Variants in ATP8A2 observed in about 807,000 individuals in gnomAD.
The protein encoded by ATP8A2 is ATPase phospholipid transporting 8A2, also known as phospholipid-transporting ATPase IB.
In ATP8A2, 100 loss-of-function variants were observed where a neutral mutation model predicts 165.6. The observed-to-expected ratio is 0.60, with a 90% CI of 0.51 to 0.71. The LOEUF is 0.71. ATP8A2 is among the 30% of genes least tolerant of loss of function. The pLI is 0.00. For synonymous variants in ATP8A2, 543 were observed against 548.8 expected, an observed-to-expected ratio of 0.99 and a Z score of 0.15; for missense variants, 1,227 against 1,479.5, an observed-to-expected ratio of 0.83 and a Z score of 2.80.
chr13:25,991,593 T>C (rs985208980), intron 35 of ATP8A2, among the ~76,000 whole-genome samples: 1 of 152,276 alleles, frequency 6.6e-6, no homozygotes, highest in Non-Finnish European at 1.5e-5. Flanking sequence ...TGGAATCTTA[T>C]AACGTGTAAC....
At chr13:25,784,061 G>T (rs1207755547) in intron 27 of ATP8A2, among the ~76,000 whole-genome samples, 1 of 152,114 alleles carries the variant, frequency 6.6e-6, no homozygotes, top group East Asian at 1.9e-4. Context: ...TATAAAAATA[G>T]ACTCTTACTG....
chr13:25,729,379 ATG>A (rs1404114151), intron 25 of ATP8A2, among the ~76,000 whole-genome samples: 5 of 152,352 alleles, frequency 3.3e-5, no homozygotes, highest in African/African-American at 4.8e-5. Context: ...TGCCTGAGGC[ATG>A]GCCAGGCCAG....
chr13:25,886,574 G>A (rs1282978336), intron 33 of ATP8A2, among the ~76,000 whole-genome samples: 1 of 152,234 alleles, frequency 6.6e-6, no homozygotes, highest in African/African-American at 2.4e-5. Context: ...GGTTTCACCC[G>A]CTCCATGTGC....
intron 33 of ATP8A2, among the ~76,000 whole-genome samples, chr13:25,873,495 T>C (rs113547362): frequency 6.6e-6 from 1 of 152,322 alleles, no homozygotes; most frequent in African/African-American, 2.4e-5. Flanking sequence ...TCCTTTATTA[T>C]GTAAGTGACA....
At chr13:25,966,194 T>G (rs1486369189) in intron 34 of ATP8A2, among the ~76,000 whole-genome samples, 1 of 152,096 alleles carries the variant, frequency 6.6e-6, no homozygotes, top group Non-Finnish European at 1.5e-5. Flanking sequence ...CCTTCTGTGG[T>G]CATCCAGCCT....
chr13:25,376,086 G>T (rs1184109481), intron 1 of ATP8A2, among the ~76,000 whole-genome samples: 1 of 149,708 alleles, frequency 6.7e-6, no homozygotes, highest in Non-Finnish European at 1.5e-5. Context: ...ATATCTCAGA[G>T]ATGGTCTGAT....
At chr13:26,012,411 C>G (rs1056154874) in intron 35 of ATP8A2, 120 bp from the exon 36 acceptor site, 2 of 768,352 alleles carry the variant, frequency 2.6e-6, no homozygotes, top group East Asian at 6.2e-5. Flanking sequence ...TGGTGAAGCA[C>G]CACGCCTTAC....
chr13:25,600,719 C>G lies in ATP8A2; in HGVS notation c.2211+11020C>G, dbSNP rs540663431. On this transcript the variant is annotated intron_variant, in intron 24 of 36. Coordinates refer to ENST00000381655, the MANE Select transcript of ATP8A2 (RefSeq NM_016529.6). ...ATGCTCTCTCTCCTCTCTGTCTTCC[C>G]AATCTTAAGCAAATGCATCTTGTTG... is the stretch of plus-strand genomic sequence containing the variant. Among the ~76,000 whole-genome samples the G allele has an allele frequency of 2.2e-4, 33 of 152,238 alleles. No individual in the cohort carries two copies. The South Asian group carries it at 2.3e-3, about 11-fold the overall frequency.
intron 2 of ATP8A2, among the ~76,000 whole-genome samples, chr13:25,498,040 C>T (rs567869741): frequency 1.2e-4 from 19 of 152,188 alleles, no homozygotes; most frequent in Non-Finnish European, 1.8e-4. Flanking sequence ...CCTGTTTCAC[C>T]TGATCCATAT....
chr13:25,984,317 G>A (rs905024766), intron 35 of ATP8A2, among the ~76,000 whole-genome samples: 6 of 151,994 alleles, frequency 3.9e-5, no homozygotes, highest in African/African-American at 1.4e-4. Context: ...AAGAGGGTAG[G>A]TTGGAGCTGG....
chr13:25,791,602 A>G (rs929711484), intron 27 of ATP8A2, among the ~76,000 whole-genome samples: 3 of 149,878 alleles, frequency 2.0e-5, no homozygotes, highest in South Asian at 2.1e-4. Context: ...TAAGCAGTCC[A>G]CTCTGCCTGG....
chr13:25,970,500 T>C (rs746147882), intron 35 of ATP8A2, among the ~76,000 whole-genome samples: 1 of 152,216 alleles, frequency 6.6e-6, no homozygotes, highest in South Asian at 2.1e-4. Flanking sequence ...ACCACCCAGT[T>C]TGGAGGGCCA....
chr13:25,914,673 C>T (rs377180952), intron 33 of ATP8A2, among the ~76,000 whole-genome samples: 62 of 152,212 alleles, frequency 4.1e-4, no homozygotes, highest in African/African-American at 1.3e-3. Flanking sequence ...ATCCCCTTCC[C>T]GCCATGCTTT....
chr13:25,727,314 G>A (rs2043515421), intron 25 of ATP8A2, among the ~76,000 whole-genome samples: 1 of 152,122 alleles, frequency 6.6e-6, no homozygotes, highest in Admixed American at 6.5e-5. Context: ...AGTTTTTTGG[G>A]GTTGTTTGGT....
intron 2 of ATP8A2, among the ~76,000 whole-genome samples, chr13:25,513,476 G>T (rs1045181654): frequency 2.6e-4 from 40 of 151,616 alleles, no homozygotes; most frequent in African/African-American, 9.7e-4. Context: ...TTCTCAGACT[G>T]GGCAGCCAGG....
chr13:25,912,474 T>A (rs185215651), intron 33 of ATP8A2, among the ~76,000 whole-genome samples: 2 of 152,276 alleles, frequency 1.3e-5, no homozygotes, highest in East Asian at 1.9e-4. Flanking sequence ...AGATATATTA[T>A]ACAGAGTAGT....
chr13:25,655,824 A>G lies in ATP8A2; in HGVS notation c.2212-43349A>G, dbSNP rs1435692385. Among the ~76,000 whole-genome samples the G allele has an allele frequency of 2.0e-5, 3 of 152,204 alleles. No homozygotes were observed. The East Asian group carries it at 5.8e-4, about 29-fold the overall frequency. ...TTTCTGTAGTTTAAATGAATCACTT[A>G]TAAAACTTTAGTGAATGGGATACGT... On this transcript the variant is annotated intron_variant, in intron 24 of 36. Transcript: ENST00000381655.
chr13:25,581,698 TA>T, intron 22 of ATP8A2, 120 bp from the exon 23 acceptor site: 1 of 987,752 alleles, frequency 1.0e-6, no homozygotes, highest in Non-Finnish European at 1.6e-6. Context: ...GACACAAGTA[TA>T]AAATAGAGGA....
chr13:25,733,262 G>T (rs1449907717), intron 25 of ATP8A2, among the ~76,000 whole-genome samples: 3 of 152,114 alleles, frequency 2.0e-5, no homozygotes, highest in African/African-American at 7.2e-5. Context: ...GCAAAGAGGG[G>T]TATTTCCACC....
Sources: gnomAD v4.1 joint callset for allele counts (sites outside exome capture counted in the v4.1 genomes callset) on GRCh38, gnomAD v4.1.1 for gene constraint, MANE v1.5 for transcripts, NCBI Gene and HGNC (gene_info 2026-07-23, HGNC 2026-07-21) for gene names.